The following CENPU variants were observed in gnomAD, a reference collection of about 807,000 sequenced individuals.
The protein encoded by CENPU is KSHV latent nuclear antigen interacting protein 1.
Under a neutral mutation model 56.7 loss-of-function variants are expected in CENPU, and 46 were observed. The observed-to-expected ratio is 0.81, with a 90% CI of 0.64 to 1.04. CENPU has a LOEUF of 1.04. CENPU is among the 50% of genes least tolerant of loss of function. CENPU has a pLI of 0.00. For missense variants in CENPU, 510 were observed against 490.1 expected (o/e 1.04, Z -0.38); for synonymous variants, 166 against 163.0 (o/e 1.02, Z -0.14).
chr4:184,694,806 C>A lies in CENPU; in HGVS notation c.*482G>T. On this transcript the variant is annotated 3_prime_UTR_variant, in exon 13 of 13. Transcript: ENST00000281453. Reference sequence around the variant, plus strand: ...TAATTCACTATGAACACTTTTGTCACCAGGCTATAATTTGCCTGATGTCTG... The same window carrying A: ...TAATTCACTATGAACACTTTTGTCAACAGGCTATAATTTGCCTGATGTCTG... 1 of 1,571,406 alleles carries A rather than the reference C, an allele frequency of 6.4e-7. No individual in the cohort carries two copies. The highest frequency in any genetic ancestry group is 8.7e-7 in the Non-Finnish European group (1 of 1,144,826).
intron 6 of CENPU, among the ~76,000 whole-genome samples, chr4:184,715,940 T>A (rs562164345): frequency 1.9e-5 from 2 of 102,974 alleles, no homozygotes; most frequent in African/African-American, 4.4e-5. Context: ...TTTTTTTGTT[T>A]TTTTTTTTTT....
rs187467990 is a variant in CENPU, at chr4:184,709,298, C to A, written c.797+774G>T. On this transcript the variant is annotated intron_variant, in intron 8 of 12. Transcript: ENST00000281453. ...GATCAGGAGATCGAGACCATCCTGG[C>A]CAACATGGTGAAACCCTGTCTCTAC... Among the ~76,000 whole-genome samples, 299 of 152,104 alleles carry A rather than the reference C, an allele frequency of 2.0e-3. 3 individuals carry two copies. Among genetic ancestry groups the A allele is most frequent in the African/African-American group, 6.6e-3 (275 of 41,494 alleles).
In CENPU at chr4:184,704,561, G is replaced by C. The variant is rs190545483; in HGVS notation, c.798-2120C>G. ...GCAGTTCTCAGAACACATCCCCGTT[G>C]TTAAGTGACATGAATGTGTATACAT... On this transcript the variant is annotated intron_variant, in intron 8 of 12. Transcript: ENST00000281453. Among the ~76,000 whole-genome samples, 4 of 149,436 alleles carry C rather than the reference G, an allele frequency of 2.7e-5. No individual in the cohort carries two copies. In the East Asian group the frequency reaches 7.7e-4, roughly 29 times the overall value.
In CENPU at chr4:184,723,417, C is replaced by T. The variant is rs768113487; in HGVS notation, c.320+1540G>A. ...ACATGATATGAAGACTTACTATACA[C>T]CTTTTTATATTTTTAAACCATGTGA... On this transcript the variant is annotated intron_variant, in intron 4 of 12. Transcript: ENST00000281453. Among the ~76,000 whole-genome samples the T allele has an allele frequency of 2.6e-4, 39 of 152,240 alleles. No individual in the cohort carries two copies. In the Middle Eastern group the frequency reaches 0.01, roughly 40 times the overall value.
At chr4:184,700,956 G>T in intron 10 of CENPU, 75 bp from the exon 11 acceptor site, 1 of 1,209,168 alleles carries the variant, frequency 8.3e-7, no homozygotes, top group Non-Finnish European at 1.2e-6. Context: ...GCCAGGTAAT[G>T]AAGTGCAGTG....
Position 184,716,744 on chromosome 4 carries a change from T to G in CENPU, c.382-111A>C, listed in dbSNP as rs549383489. ...AGTCCACATTTCTCACTTCTACACT[T>G]CAAAATTGAACATAATAGGAAGACG... is the stretch of plus-strand genomic sequence containing the variant. On this transcript the variant is annotated intron_variant, in intron 5 of 12. Transcript: ENST00000281453. 7.3e-6 allele frequency: 6 copies of G among 820,432 alleles called. No individual in the cohort carries two copies. The South Asian group carries it at 1.1e-4, about 15-fold the overall frequency. The allele number at this position is 820,432 out of a possible 1,614,324, so 50.8% of individuals were successfully genotyped here.
Position 184,704,526 on chromosome 4 carries a change from G to A in CENPU, c.798-2085C>T, listed in dbSNP as rs1040638386. ...ACACTGTTAACACAATGACAAAACT[G>A]CCTAAGGATGCAGTTCTCAGAACAC... is the stretch of plus-strand genomic sequence containing the variant. On this transcript the variant is annotated intron_variant, in intron 8 of 12. Transcript: ENST00000281453. Among the ~76,000 whole-genome samples the A allele has an allele frequency of 7.9e-5, 12 of 152,084 alleles. No individual in the cohort carries two copies. The East Asian group carries it at 2.3e-3, about 29-fold the overall frequency.
At chr4:184,713,434 TAA>T (rs1282986904) in intron 6 of CENPU, among the ~76,000 whole-genome samples, 1 of 152,224 alleles carries the variant, frequency 6.6e-6, no homozygotes, top group Admixed American at 6.5e-5. Context: ...CATTTAGTTC[TAA>T]AACAGATTAG....
At chr4:184,702,465 C>CT (rs1191957329) in intron 8 of CENPU, 24 bp from the exon 9 acceptor site, 12 of 1,557,902 alleles carry the variant, frequency 7.7e-6, no homozygotes, top group Non-Finnish European at 1.1e-5. Flanking sequence ...AAAAAAAAGT[C>CT]TAAGTACCAT....
intron 3 of CENPU, 87 bp downstream of exon 3, chr4:184,728,831 A>T: frequency 1.1e-6 from 1 of 948,578 alleles, no homozygotes; most frequent in Middle Eastern, 2.5e-4. Flanking sequence ...TAATTTTTAT[A>T]TTTGAAGATA....
At chr4:184,709,290 C>A (rs1760839551) in intron 8 of CENPU, among the ~76,000 whole-genome samples, 3 of 151,992 alleles carry the variant, frequency 2.0e-5, no homozygotes, top group Admixed American at 1.3e-4. Context: ...AGATCGAGAC[C>A]ATCCTGGCCA....
At chr4:184,733,658 T>C (rs576139627) in intron 1 of CENPU, among the ~76,000 whole-genome samples, 2 of 152,234 alleles carry the variant, frequency 1.3e-5, no homozygotes, top group East Asian at 3.9e-4. Flanking sequence ...AGAATAAAAC[T>C]CCACTAACAA....
intron 10 of CENPU, 39 bp downstream of exon 10, chr4:184,702,048 TTG>T: frequency 7.7e-7 from 1 of 1,303,878 alleles, no homozygotes; most frequent in South Asian, 1.2e-5. Context: ...TACATTAGTA[TTG>T]TGTTTGACTC....
intron 8 of CENPU, among the ~76,000 whole-genome samples, chr4:184,705,155 C>T (rs1760681861): frequency 6.6e-6 from 1 of 152,172 alleles, no homozygotes; most frequent in South Asian, 2.1e-4. Flanking sequence ...TGTTAACAGC[C>T]CCAAACTGGA....
At chr4:184,729,174 C>T in intron 2 of CENPU, 139 bp from the exon 3 acceptor site, 1 of 643,596 alleles carries the variant, frequency 1.6e-6, no homozygotes, top group South Asian at 2.0e-5. Flanking sequence ...TCACTACCTA[C>T]CCTGATTGGG....
At chr4:184,706,999 T>G (rs56232457) in intron 8 of CENPU, among the ~76,000 whole-genome samples, 27,609 of 150,926 alleles carry the variant, frequency 0.18, 3,393 homozygotes, top group African/African-American at 0.28. Context: ...AAGCTTCCTA[T>G]AAGAGATTTG....
intron 8 of CENPU, among the ~76,000 whole-genome samples, chr4:184,703,034 G>A (rs1455777091): frequency 6.6e-6 from 1 of 152,024 alleles, no homozygotes; most frequent in Non-Finnish European, 1.5e-5. Context: ...ATGAACATAT[G>A]AGAGCACCAT....
chr4:184,696,086 T>G (rs1760289660), intron 12 of CENPU, among the ~76,000 whole-genome samples: 2 of 152,242 alleles, frequency 1.3e-5, no homozygotes, highest in African/African-American at 4.8e-5. Context: ...TCTTACAGAA[T>G]TTTGTCATAC....
rs761495478 is a variant in CENPU at position 184,710,024 on chromosome 4, T to C, written c.797+48A>G. The stretch of plus-strand genomic sequence containing the variant: ...CTGTAGGATGAGCAAAAATGGTGCT[T>C]CAGGGGAAATTTATTAGGTAAATAT... On this transcript the variant is annotated intron_variant, in intron 8 of 12. Transcript: ENST00000281453. 14 of 1,048,006 alleles carry C rather than the reference T, an allele frequency of 1.3e-5. No individual in the cohort carries two copies. The African/African-American group carries it at 2.1e-4, about 15-fold the overall frequency. 64.9% of individuals were successfully genotyped at this position (1,048,006 alleles called of 1,614,324 possible).
Sources: gnomAD v4.1 joint callset for allele counts (sites outside exome capture counted in the v4.1 genomes callset) on GRCh38, gnomAD v4.1.1 for gene constraint, MANE v1.5 for transcripts, NCBI Gene and HGNC (gene_info 2026-07-23, HGNC 2026-07-21) for gene names.